EDA2R: variants seen among roughly 807,000 people sequenced by gnomAD.
The protein encoded by EDA2R is tumor necrosis factor receptor superfamily member 27.
EDA2R carries 26 observed loss-of-function variants against 20.1 expected under a neutral mutation model. The observed-to-expected ratio is 1.30, with a 90% CI of 0.95 to 1.80. The LOEUF (loss-of-function observed/expected upper bound fraction) is 1.80. Among genes scored for constraint, EDA2R ranks in the 40% most tolerant of loss-of-function variants. The probability of loss-of-function intolerance (pLI) is 0.00; values close to 1 mark genes in which losing one functional copy is unlikely to be tolerated. For synonymous variants in EDA2R, 114 were observed against 88.7 expected (o/e 1.29, Z -1.60); for missense variants, 277 against 228.7 (o/e 1.21, Z -1.36).
At chrX:66,603,546 T>C (rs1929045455) in intron 4 of EDA2R, among the ~76,000 whole-genome samples, 1 of 111,642 alleles carries the variant, frequency 9.0e-6, no homozygotes, top group South Asian at 3.8e-4. Context: ...GGAAGACATA[T>C]GGTCTAGAAT....
chrX:66,602,312 G>A (rs1283807985), intron 5 of EDA2R, among the ~76,000 whole-genome samples: 2 of 111,271 alleles, frequency 1.8e-5, no homozygotes, highest in East Asian at 2.8e-4. Flanking sequence ...AAGGTTACAC[G>A]GTGATTTAGA....
chrX:66,630,056 T>C (rs1420907137), intron 1 of EDA2R, among the ~76,000 whole-genome samples: 1 of 111,353 alleles, frequency 9.0e-6, no homozygotes, highest in East Asian at 2.8e-4. Flanking sequence ...AGCCAACTGA[T>C]CTTTGACAAA....
chrX:66,604,518 G>A lies in EDA2R; in HGVS notation c.267-12C>T. ...TCTTTCGGTAGAACCTGTGTTCAGA[G>A]CAATTAGGAATGGCAGGGTGATCAA... On this transcript the variant is annotated splice_polypyrimidine_tract_variant and intron_variant, in intron 3 of 6. Coordinates refer to ENST00000374719, the MANE Select transcript of EDA2R (RefSeq NM_021783.5). The A allele has an allele frequency of 8.4e-7, 1 of 1,195,907 alleles. No individual in the cohort carries two copies. The highest frequency in any genetic ancestry group is 1.7e-5 in the African/African-American group (1 of 57,518).
chrX:66,635,630 C>A (rs1215097515), intron 1 of EDA2R, among the ~76,000 whole-genome samples: 1 of 111,941 alleles, frequency 8.9e-6, no homozygotes, highest in African/African-American at 3.2e-5. Context: ...CCAGAGTTGG[C>A]GTAATTGCCC....
chrX:66,602,186 C>A (rs912152365), intron 5 of EDA2R, among the ~76,000 whole-genome samples: 2 of 111,402 alleles, frequency 1.8e-5, no homozygotes, highest in Non-Finnish European at 3.8e-5. Context: ...AGAATTTATA[C>A]CTACTAGTAT....
chrX:66,617,252 C>G (rs755683622), intron 1 of EDA2R, among the ~76,000 whole-genome samples: 108 of 112,127 alleles, frequency 9.6e-4, no homozygotes, highest in Non-Finnish European at 1.7e-3. Flanking sequence ...AAATGGCATT[C>G]CATAAGTGCA....
intron 4 of EDA2R, among the ~76,000 whole-genome samples, 192 bp from the exon 5 acceptor site, chrX:66,602,989 T>C (rs1928930101): frequency 8.9e-6 from 1 of 112,158 alleles, no homozygotes; most frequent in East Asian, 2.8e-4. Context: ...TTGTATATAG[T>C]GCTGGTATGT....
intron 5 of EDA2R, among the ~76,000 whole-genome samples, chrX:66,601,550 C>A (rs1488147072): frequency 8.9e-6 from 1 of 111,967 alleles, no homozygotes; most frequent in Non-Finnish European, 1.9e-5. Context: ...GGCCCCAGAG[C>A]CAAACTGACC....
intron 1 of EDA2R, among the ~76,000 whole-genome samples, chrX:66,620,965 C>CAAAAAAA (rs376190384): frequency 3.6e-5 from 2 of 55,308 alleles, no homozygotes; most frequent in African/African-American, 5.6e-5. Flanking sequence ...TATCCACTAC[C>CAAAAAAA]AAAAAAAAAA....
chrX:66,612,535 T>C (rs1479261179), intron 2 of EDA2R, among the ~76,000 whole-genome samples: 1 of 110,560 alleles, frequency 9.0e-6, no homozygotes, highest in East Asian at 2.9e-4. Context: ...AAAAAAATGA[T>C]ACAAAGAGAC....
At position 66,596,757 on chromosome X, in the gene EDA2R, A is replaced by AAAAAC. The variant is rs1343007768; in HGVS notation, c.*1342_*1346dup. 7 of 107,361 alleles carry AAAAAC rather than the reference A, an allele frequency of 6.5e-5. No individual in the cohort carries two copies. Among genetic ancestry groups the AAAAAC allele is most frequent in the Non-Finnish European group, 1.1e-4 (6 of 53,079 alleles). 8.8% of individuals were successfully genotyped at this position (107,361 alleles called of 1,213,427 possible). On this transcript the variant is annotated 3_prime_UTR_variant, in exon 7 of 7. Coordinates refer to ENST00000374719, the MANE Select transcript of EDA2R (RefSeq NM_021783.5). ...GTTGCAGAAAAACAAAAACAAAAAC[A>AAAAAC]AAAACAAAAAAAAAACAGGAAACCT...
chrX:66,623,668 T>G (rs1465237645), intron 1 of EDA2R, among the ~76,000 whole-genome samples: 1 of 111,766 alleles, frequency 8.9e-6, no homozygotes, highest in Admixed American at 9.5e-5. Context: ...ACTCCACCCA[T>G]GCTGGCCTCC....
chrX:66,602,845 A>G, intron 4 of EDA2R, 48 bp from the exon 5 acceptor site: 1 of 1,085,845 alleles, frequency 9.2e-7, no homozygotes, highest in Non-Finnish European at 1.2e-6. Context: ...GGCAGTAAAC[A>G]GTCACCCTGA....
At chrX:66,609,760 AC>A (rs1157825582) in intron 2 of EDA2R, among the ~76,000 whole-genome samples, 5 of 112,138 alleles carry the variant, frequency 4.5e-5, no homozygotes, top group Admixed American at 9.5e-5. Context: ...ACATGAGCTG[AC>A]CAAATGAACA....
At chrX:66,627,359 A>G (rs1311600979) in intron 1 of EDA2R, among the ~76,000 whole-genome samples, 1 of 112,235 alleles carries the variant, frequency 8.9e-6, no homozygotes, top group East Asian at 2.8e-4. Context: ...AAACTCACCA[A>G]CAAATTATCT....
At position 66,636,939 on chromosome X, in the gene EDA2R, AACACACAC is replaced by A. The variant is rs35284589; in HGVS notation, c.-11+2048_-11+2055del. Among the ~76,000 whole-genome samples the A allele has an allele frequency of 3.0e-3, 303 of 99,855 alleles. 1 individual carries two copies. Among genetic ancestry groups the A allele is most frequent in the African/African-American group, 9.8e-3 (278 of 28,492 alleles). The allele number at this position is 99,855 out of a possible 115,157, so 86.7% of individuals were successfully genotyped here. The stretch of plus-strand genomic sequence containing the variant: ...CAGTAGTACCTCAGACTGTGTGTAA[AACACACAC>A]ACACACACACACACACACACCCCAC... On this transcript the variant is annotated intron_variant, in intron 1 of 6. Coordinates refer to ENST00000374719, the MANE Select transcript of EDA2R (RefSeq NM_021783.5).
chrX:66,611,444 A>C (rs910238640), intron 2 of EDA2R, among the ~76,000 whole-genome samples: 1 of 112,328 alleles, frequency 8.9e-6, no homozygotes, highest in African/African-American at 3.2e-5. Context: ...GTTTTAAAAA[A>C]CAATTTAAAA....
chrX:66,612,489 G>A (rs989950976), intron 2 of EDA2R, among the ~76,000 whole-genome samples: 1 of 110,770 alleles, frequency 9.0e-6, no homozygotes, highest in East Asian at 2.8e-4. Context: ...AAAAAGTAAC[G>A]TGTTAGTTTT....
chrX:66,616,439 A>G (rs1027397201), intron 1 of EDA2R, among the ~76,000 whole-genome samples: 67 of 112,352 alleles, frequency 6.0e-4, no homozygotes, highest in African/African-American at 2.1e-3. Flanking sequence ...TCATGTGTGA[A>G]CAGATCATAA....
Sources: allele counts gnomAD v4.1 joint callset (sites outside exome capture counted in the v4.1 genomes callset), GRCh38; gene constraint gnomAD v4.1.1; transcripts MANE v1.5; gene names NCBI Gene and HGNC (gene_info 2026-07-23, HGNC 2026-07-21).